Variants in PAK1IP1 observed in about 807,000 individuals in gnomAD.
PAK1IP1 encodes the protein PAK1 interacting protein 1.
PAK1IP1 carries 24 observed loss-of-function variants against 42.0 expected under a neutral mutation model. That is an observed-to-expected ratio of 0.57 (90% CI 0.41 to 0.80). PAK1IP1 has a LOEUF of 0.80. Among genes scored for constraint, PAK1IP1 ranks in the 30% least tolerant of loss-of-function variants. The pLI is 0.00. For missense variants in PAK1IP1, 411 were observed against 467.9 expected (o/e 0.88, Z 1.12); for synonymous variants, 154 against 156.7 (o/e 0.98, Z 0.13).
chr6:10,694,584 G>A (rs752989498), upstream of PAK1IP1: 102 of 171,832 alleles, frequency 5.9e-4, no homozygotes, highest in South Asian at 2.9e-3. Flanking sequence ...CACGCTGCCG[G>A]CGCTACAGCC....
intron 2 of PAK1IP1, among the ~76,000 whole-genome samples, chr6:10,700,732 G>A (rs1770002072): frequency 6.6e-6 from 1 of 152,204 alleles, no homozygotes; most frequent in Non-Finnish European, 1.5e-5. Context: ...GAATTACATA[G>A]AAGGAGTTTA....
At chr6:10,702,861 C>T (rs984558325) in intron 4 of PAK1IP1, among the ~76,000 whole-genome samples, 27 of 152,082 alleles carry the variant, frequency 1.8e-4, no homozygotes, top group Non-Finnish European at 3.7e-4. Context: ...GGCTGGAGTG[C>T]GGCGGCGTGA....
At chr6:10,703,007 G>A (rs551869964) in intron 4 of PAK1IP1, among the ~76,000 whole-genome samples, 7 of 151,812 alleles carry the variant, frequency 4.6e-5, no homozygotes, top group South Asian at 2.1e-4. Flanking sequence ...GGGTTTCACC[G>A]TGTTAGCCAG....
rs193235489 is a variant in PAK1IP1 at position 10,701,604 on chromosome 6, T to A, written c.248-765T>A. Among the ~76,000 whole-genome samples the A allele has an allele frequency of 2.0e-5, 3 of 152,308 alleles. No homozygotes were observed. The East Asian group carries it at 5.8e-4, about 29-fold the overall frequency. ...GGAGAGGAAAATATGAACAAATGAA[T>A]GAGAAGTGTGTGGAAATGGATCAAA... On this transcript the variant is annotated intron_variant, in intron 2 of 9. Transcript: ENST00000379568.
At position 10,703,517 on chromosome 6, in the gene PAK1IP1, C is replaced by G. The variant is rs3734392; in HGVS notation, c.496+60C>G. 287 of 1,301,306 alleles carry G rather than the reference C, an allele frequency of 2.2e-4. 3 individuals carry two copies. In the East Asian group the frequency reaches 6.7e-3, roughly 30 times the overall value. The allele number at this position is 1,301,306 out of a possible 1,614,324, so 80.6% of individuals were successfully genotyped here. A position where few individuals can be genotyped will look rare whatever the true frequency, so the allele number is the denominator to read the frequency against. ...TCCTAATCTGGAAATCTGAAATGCT[C>G]CAAAATCTGAAACTTTTTGAGCACT... On this transcript the variant is annotated intron_variant, in intron 5 of 9. Transcript: ENST00000379568.
chr6:10,695,448 A>G (rs1373682390), intron 1 of PAK1IP1, among the ~76,000 whole-genome samples: 5 of 152,180 alleles, frequency 3.3e-5, no homozygotes, highest in Non-Finnish European at 5.9e-5. Flanking sequence ...AAATTACTAG[A>G]ACTAGATTAG....
chr6:10,694,589 ACAGCCCCTAAGCAACCG>A, upstream of PAK1IP1: 3 of 178,140 alleles, frequency 1.7e-5, no homozygotes, highest in East Asian at 1.6e-4. Context: ...TGCCGGCGCT[ACAGCCCCTAAGCAACCG>A]GCCGGAAGTC....
chr6:10,704,575 A>G lies in PAK1IP1; in HGVS notation c.565A>G (p.Ile189Val), dbSNP rs201625393. The change falls in exon 6 of 10, where the codon ATC (isoleucine) becomes GTC (valine). Residue 189 changes from isoleucine (I) to valine (V), a missense_variant. By Grantham distance (29) the Ile-to-Val change is conservative (BLOSUM62 3). Transcript: ENST00000379568. ...YVVIIQNKID[I>V]YQLDTASISG... Reference sequence around the variant, plus strand: ...AGTTATCATACAGAATAAAATAGACATCTATCAGCTTGACACTGCATCCAT... The same window carrying G: ...AGTTATCATACAGAATAAAATAGACGTCTATCAGCTTGACACTGCATCCAT... 227 of 1,600,054 alleles carry G rather than the reference A, an allele frequency of 1.4e-4. 1 individual carries two copies. The highest frequency in any genetic ancestry group is 1.4e-4 in the Non-Finnish European group (168 of 1,168,518).
chr6:10,709,483 A>C lies in PAK1IP1; in HGVS notation c.*31A>C, dbSNP rs1313526882. On this transcript the variant is annotated 3_prime_UTR_variant, in exon 10 of 10. Coordinates refer to ENST00000379568, the MANE Select transcript of PAK1IP1 (RefSeq NM_017906.3). ...AGATGTCTCCTGAAAGAACTCTTTTAGATGAAATCATTCTACTCAAATGTA... is the reference window on the plus strand; with the variant it reads ...AGATGTCTCCTGAAAGAACTCTTTTCGATGAAATCATTCTACTCAAATGTA... 6.8e-7 allele frequency: 1 copy of C among 1,467,510 alleles called. No homozygotes were observed. The highest frequency in any genetic ancestry group is 2.3e-5 in the East Asian group (1 of 43,788). 90.9% of individuals were successfully genotyped at this position (1,467,510 alleles called of 1,614,324 possible).
intron 1 of PAK1IP1, among the ~76,000 whole-genome samples, chr6:10,696,810 T>C (rs1484718463): frequency 6.6e-6 from 1 of 152,198 alleles, no homozygotes; most frequent in Admixed American, 6.5e-5. Context: ...GGCAAGTGCT[T>C]GTAATCCCAG....
chr6:10,708,684 C>T (rs1770281870), intron 8 of PAK1IP1, among the ~76,000 whole-genome samples: 1 of 151,826 alleles, frequency 6.6e-6, no homozygotes, highest in African/African-American at 2.4e-5. Flanking sequence ...CTCCCCCTGC[C>T]CCCCACCCCA....
At chr6:10,708,536 C>A (rs974121690) in intron 8 of PAK1IP1, among the ~76,000 whole-genome samples, 3 of 149,174 alleles carry the variant, frequency 2.0e-5, no homozygotes, top group South Asian at 2.1e-4. Flanking sequence ...GTTTTTTTTT[C>A]TTTTTTTTTA....
At chr6:10,701,967 G>T (rs565189571) in intron 2 of PAK1IP1, among the ~76,000 whole-genome samples, 2 of 152,298 alleles carry the variant, frequency 1.3e-5, no homozygotes, top group African/African-American at 4.8e-5. Flanking sequence ...AGGCACAGTG[G>T]CTCACACCTG....
chr6:10,691,318 AAGTG>A (rs1415328058), upstream of PAK1IP1, among the ~76,000 whole-genome samples: 2 of 152,180 alleles, frequency 1.3e-5, no homozygotes, highest in Non-Finnish European at 2.9e-5. Flanking sequence ...CAAGCTCCCC[AAGTG>A]AGTAATTCCT....
Position 10,707,550 on chromosome 6 carries a change from A to G in PAK1IP1, c.840+36A>G, listed in dbSNP as rs1193088911. On this transcript the variant is annotated intron_variant, in intron 8 of 9. Coordinates refer to ENST00000379568, the MANE Select transcript of PAK1IP1 (RefSeq NM_017906.3). The stretch of plus-strand genomic sequence containing the variant: ...CAACACAATCTAAATGTACTTTAAT[A>G]CAAGTCTTGCTCATAAGTGAGGTGG... The G allele has an allele frequency of 7.1e-6, 9 of 1,272,694 alleles. No homozygotes were observed. The Middle Eastern group carries it at 9.3e-4, about 131-fold the overall frequency. The allele number at this position is 1,272,694 out of a possible 1,614,324, so 78.8% of individuals were successfully genotyped here.
chr6:10,697,394 G>A lies in PAK1IP1; in HGVS notation c.155G>A (p.Ser52Asn), dbSNP rs1177158343. ...TCCTTGTCAGCAGTAGCTGTAAATAGTCGTTTTGTGGTCACTGGGAGCAAA... is the reference window on the plus strand; with the variant it reads ...TCCTTGTCAGCAGTAGCTGTAAATAATCGTTTTGTGGTCACTGGGAGCAAA... ...TASLSAVAVN[S>N]RFVVTGSKDE... The change falls in exon 2 of 10, where the codon AGT (serine) becomes AAT (asparagine). Residue 52 changes from serine to asparagine, a missense_variant. Physicochemically the swap from Ser to Asn is conservative, Grantham distance 46. Coordinates refer to ENST00000379568, the MANE Select transcript of PAK1IP1 (RefSeq NM_017906.3). The A allele has an allele frequency of 1.2e-6, 2 of 1,614,024 alleles. No individual in the cohort carries two copies. The highest frequency in any genetic ancestry group is 2.2e-5 in the South Asian group (2 of 91,072).
Position 10,702,227 on chromosome 6 carries a change from T to G in PAK1IP1, c.248-142T>G, listed in dbSNP as rs183490199. On this transcript the variant is annotated intron_variant, in intron 2 of 9. Coordinates refer to ENST00000379568, the MANE Select transcript of PAK1IP1 (RefSeq NM_017906.3). Reference sequence around the variant, plus strand: ...AGCACTTCAGCCTGGGTAACAAGAGTGAAACCCTGCCTCAAAAAAAAAAAA... The same window carrying G: ...AGCACTTCAGCCTGGGTAACAAGAGGGAAACCCTGCCTCAAAAAAAAAAAA... The G allele has an allele frequency of 4.9e-3, 3,192 of 657,076 alleles. 23 individuals are homozygous for G. Among genetic ancestry groups the G allele is most frequent in the Middle Eastern group, 0.011 (26 of 2,342 alleles). The allele number at this position is 657,076 out of a possible 1,614,324, so 40.7% of individuals were successfully genotyped here.
intron 2 of PAK1IP1, 56 bp from the exon 3 acceptor site, chr6:10,702,313 A>C: frequency 1.4e-6 from 2 of 1,453,530 alleles, no homozygotes; most frequent in Non-Finnish European, 1.9e-6. Flanking sequence ...TCAAATCAGA[A>C]ATGGAGTTTG....
At chr6:10,692,866 T>C (rs889808727), upstream of PAK1IP1, among the ~76,000 whole-genome samples, 1 of 152,210 alleles carries the variant, frequency 6.6e-6, no homozygotes, top group Admixed American at 6.5e-5. Context: ...GGATTTCCAC[T>C]AGACTGAGAA....
Sources: allele counts gnomAD v4.1 joint callset (sites outside exome capture counted in the v4.1 genomes callset), GRCh38; gene constraint gnomAD v4.1.1; transcripts MANE v1.5; gene names NCBI Gene and HGNC (gene_info 2026-07-23, HGNC 2026-07-21).